The following MRPS27 variants were observed in gnomAD, a reference collection of about 807,000 sequenced individuals.
MRPS27 encodes small ribosomal subunit protein mS27.
MRPS27 carries 43 observed loss-of-function variants against 48.9 expected under a neutral mutation model. The ratio of observed to expected loss-of-function variants is 0.88; its 90% CI spans 0.69 to 1.13. MRPS27 has a LOEUF of 1.13. Among genes scored for constraint, MRPS27 ranks in the 50% most tolerant of loss-of-function variants. MRPS27 has a pLI of 0.00. For missense variants in MRPS27, 467 were observed against 476.3 expected, an observed-to-expected ratio of 0.98 and a Z score of 0.18; for synonymous variants, 188 against 171.9, an observed-to-expected ratio of 1.09 and a Z score of -0.73.
At chr5:72,292,905 G>A (rs1749868428) in intron 4 of MRPS27, among the ~76,000 whole-genome samples, 1 of 152,090 alleles carries the variant, frequency 6.6e-6, no homozygotes, top group Admixed American at 6.6e-5. Context: ...AAATTAAGAA[G>A]TTCCTTTTTC....
intron 4 of MRPS27, among the ~76,000 whole-genome samples, chr5:72,262,666 A>T (rs779846875): frequency 3.3e-5 from 5 of 152,196 alleles, no homozygotes; most frequent in African/African-American, 4.8e-5. Flanking sequence ...GACAGAAAAA[A>T]AGGGGGAGAG....
chr5:72,305,406 G>C (rs568608879), intron 2 of MRPS27, among the ~76,000 whole-genome samples: 21 of 152,280 alleles, frequency 1.4e-4, no homozygotes, highest in Admixed American at 1.2e-3. Flanking sequence ...CAGCTGAAAT[G>C]ACACAGCAAA....
At chr5:72,319,375 A>G (rs957806551) in intron 1 of MRPS27, among the ~76,000 whole-genome samples, 1 of 152,150 alleles carries the variant, frequency 6.6e-6, no homozygotes, top group Non-Finnish European at 1.5e-5. Flanking sequence ...GCTCTAGGTC[A>G]TCAGATAAAA....
At chr5:72,306,425 C>T (rs1442762836) in intron 2 of MRPS27, among the ~76,000 whole-genome samples, 2 of 152,172 alleles carry the variant, frequency 1.3e-5, no homozygotes, top group East Asian at 1.9e-4. Context: ...TCTGATCAAG[C>T]CCCTTTCTCC....
At chr5:72,257,957 G>A (rs373642836) in intron 4 of MRPS27, among the ~76,000 whole-genome samples, 4 of 151,886 alleles carry the variant, frequency 2.6e-5, no homozygotes, top group South Asian at 2.1e-4. Context: ...GGTGGCAGGC[G>A]CCTGTGATCC....
At position 72,240,990 on chromosome 5, in the gene MRPS27, A is replaced by T. The variant is rs115510126; in HGVS notation, c.282-2862T>A. On this transcript the variant is annotated intron_variant, in intron 4 of 10. Transcript: ENST00000261413. The stretch of plus-strand genomic sequence containing the variant: ...TACTTGGTATGAGCTCTGCTCTCTA[A>T]GCCCTAACAATCTTAGACCCAATTA... 2.5e-3 allele frequency among the ~76,000 whole-genome samples: 374 copies of T among 152,292 alleles called. 1 individual carries two copies. The highest frequency in any genetic ancestry group is 8.7e-3 in the African/African-American group (360 of 41,558).
intron 4 of MRPS27, among the ~76,000 whole-genome samples, chr5:72,248,555 G>A (rs1227510288): frequency 1.3e-5 from 2 of 151,628 alleles, no homozygotes; most frequent in Admixed American, 1.3e-4. Flanking sequence ...TGTGACTCAG[G>A]CAGCTTTCCA....
At chr5:72,299,632 T>G (rs1750078697) in intron 2 of MRPS27, among the ~76,000 whole-genome samples, 1 of 152,278 alleles carries the variant, frequency 6.6e-6, no homozygotes, top group Non-Finnish European at 1.5e-5. Flanking sequence ...TTAATGATTT[T>G]TGGCCTGAAT....
At chr5:72,295,616 G>A (rs1216656796) in intron 3 of MRPS27, 27 bp from the exon 4 acceptor site, 1 of 1,561,654 alleles carries the variant, frequency 6.4e-7, no homozygotes, top group East Asian at 2.2e-5. Context: ...GAAACCTTTG[G>A]TTGAATATAA....
chr5:72,254,606 TACC>T (rs1471651341), intron 4 of MRPS27, among the ~76,000 whole-genome samples: 2 of 152,222 alleles, frequency 1.3e-5, no homozygotes, highest in African/African-American at 4.8e-5. Flanking sequence ...GTGAATTCAG[TACC>T]ACATTACAAC....
chr5:72,223,716 C>T lies in MRPS27; in HGVS notation c.972G>A (p.Gln324=), dbSNP rs1353048764. ...VEQLDIEETE[Q]SKLPQYLERF... ...GTTCCAGGTATTGAGGAAGCTTGGA[C>T]TGCTCTGTTTCCTCGATGTCTAACT... Residue 324 remains glutamine, a synonymous_variant, in exon 10 of 11, where the codon CAG becomes CAA. Transcript: ENST00000261413. The T allele has an allele frequency of 1.2e-6, 2 of 1,614,028 alleles. No homozygotes were observed. The highest frequency in any genetic ancestry group is 1.1e-5 in the South Asian group (1 of 91,076).
At chr5:72,238,713 T>A (rs755965739) in intron 4 of MRPS27, among the ~76,000 whole-genome samples, 119 of 152,154 alleles carry the variant, frequency 7.8e-4, no homozygotes, top group Non-Finnish European at 1.5e-3. Flanking sequence ...TCTTCACAGT[T>A]CCATTGTAGC....
rs560923686 is a variant in MRPS27, at chr5:72,277,240, T to C, written c.281+18291A>G. 6.6e-5 allele frequency among the ~76,000 whole-genome samples: 10 copies of C among 152,246 alleles called. No individual in the cohort carries two copies. The East Asian group carries it at 1.3e-3, about 21-fold the overall frequency. On this transcript the variant is annotated intron_variant, in intron 4 of 10. Transcript: ENST00000261413. ...AGATGCTGGTGAGTCTGAGGAGAGATAGGAACGTTTTTACACTGTTGATGG... is the reference window on the plus strand; with the variant it reads ...AGATGCTGGTGAGTCTGAGGAGAGACAGGAACGTTTTTACACTGTTGATGG...
chr5:72,287,242 C>A (rs990638276), intron 4 of MRPS27, among the ~76,000 whole-genome samples: 1 of 151,974 alleles, frequency 6.6e-6, no homozygotes, highest in Admixed American at 6.6e-5. Flanking sequence ...CTGTCTTCCA[C>A]AAAACCAGTC....
At chr5:72,295,704 G>C (rs545747432) in intron 3 of MRPS27, 115 bp from the exon 4 acceptor site, 3 of 731,708 alleles carry the variant, frequency 4.1e-6, no homozygotes, top group Admixed American at 2.3e-5. Flanking sequence ...TTATTGGAAC[G>C]ATGGTGATGC....
intron 4 of MRPS27, among the ~76,000 whole-genome samples, chr5:72,240,894 T>C (rs1748330339): frequency 1.3e-5 from 2 of 152,352 alleles, no homozygotes; most frequent in Middle Eastern, 3.4e-3. Flanking sequence ...CAGCAGCCTT[T>C]TGAGATATTT....
intron 2 of MRPS27, among the ~76,000 whole-genome samples, chr5:72,303,363 G>C (rs941057464): frequency 1.3e-5 from 2 of 152,162 alleles, no homozygotes; most frequent in African/African-American, 4.8e-5. Flanking sequence ...GGTGAAGTGA[G>C]AGTGAACTGA....
At chr5:72,298,641 G>C (rs1356875754) in intron 2 of MRPS27, among the ~76,000 whole-genome samples, 2 of 148,614 alleles carry the variant, frequency 1.3e-5, no homozygotes, top group African/African-American at 5.0e-5. Context: ...GGGAAGCGGA[G>C]CTTGCAGTGA....
rs770240631 is a variant in MRPS27, at chr5:72,234,101, CT to C, written c.475+17del. 141 of 1,490,924 alleles carry C rather than the reference CT, an allele frequency of 9.5e-5. No homozygotes were observed. Among genetic ancestry groups the C allele is most frequent in the Non-Finnish European group, 1.2e-4 (137 of 1,123,500 alleles). 92.4% of individuals were successfully genotyped at this position (1,490,924 alleles called of 1,614,324 possible). ...GCTGGAAGCCCTATAAACACTGAAT[CT>C]GGGGTTAGTTTCTTACCTTTGTAAT... On this transcript the variant is annotated intron_variant, in intron 6 of 10. Transcript: ENST00000261413.
Sources: gnomAD v4.1 joint callset for allele counts (sites outside exome capture counted in the v4.1 genomes callset) on GRCh38, gnomAD v4.1.1 for gene constraint, MANE v1.5 for transcripts, NCBI Gene and HGNC (gene_info 2026-07-23, HGNC 2026-07-21) for gene names.